The following PRSS41 variants were observed in gnomAD, a reference collection of about 807,000 sequenced individuals.
PRSS41 encodes the protein protease, serine 41.
Under a neutral mutation model 28.8 loss-of-function variants are expected in PRSS41, and 37 were observed. That is an observed-to-expected ratio of 1.29 (90% confidence interval 0.99 to 1.69). The LOEUF (loss-of-function observed/expected upper bound fraction) is 1.69, where lower values mean the gene tolerates loss of function less well. Among genes scored for constraint, PRSS41 ranks in the 40% most tolerant of loss-of-function variants. PRSS41 has a pLI of 0.00. For missense variants in PRSS41, 431 were observed against 400.7 expected, an observed-to-expected ratio of 1.08 and a Z score of -0.65; for synonymous variants, 195 against 163.1, an observed-to-expected ratio of 1.20 and a Z score of -1.49.
intron 4 of PRSS41, among the ~76,000 whole-genome samples, chr16:2,803,891 C>T (rs1049262385): frequency 6.6e-4 from 101 of 152,278 alleles, no homozygotes; most frequent in African/African-American, 2.4e-3. Context: ...GTTCATAAGA[C>T]TCTCCCTTTA....
chr16:2,804,284 C>G (rs765455497), intron 4 of PRSS41, 105 bp from the exon 5 acceptor site: 42 of 1,246,024 alleles, frequency 3.4e-5, no homozygotes, highest in Non-Finnish European at 4.6e-5. Context: ...GTGGGTGTGT[C>G]AGGGACCTTC....
intron 4 of PRSS41, among the ~76,000 whole-genome samples, chr16:2,802,147 G>A (rs2068992162): frequency 6.7e-6 from 1 of 149,980 alleles, no homozygotes; most frequent in African/African-American, 2.5e-5. Context: ...CAGGCAGAGG[G>A]TCTCCTCACT....
intron 2 of PRSS41, 48 bp downstream of exon 2, chr16:2,798,710 G>C: frequency 7.1e-7 from 1 of 1,405,016 alleles, no homozygotes; most frequent in East Asian, 2.8e-5. Context: ...CTGGGCCGGG[G>C]TGCACGGGGG....
exon 4 of PRSS41, chr16:2,799,347 T>G: frequency 6.4e-7 from 1 of 1,551,776 alleles, no homozygotes; most frequent in South Asian, 1.2e-5. Context: ...GCCAACTCCT[T>G]GGAACCTGCG....
At chr16:2,804,653 A>C (rs1195495945) in intron 5 of PRSS41, 107 bp downstream of exon 5, 14 of 1,168,588 alleles carry the variant, frequency 1.2e-5, no homozygotes, top group Middle Eastern at 2.8e-4. Flanking sequence ...TAGATTTCTT[A>C]GGAGAAAACC....
At chr16:2,802,447 A>G (rs1330735088) in intron 4 of PRSS41, among the ~76,000 whole-genome samples, 3 of 148,816 alleles carry the variant, frequency 2.0e-5, no homozygotes, top group East Asian at 4.1e-4. Context: ...ATGGGCGGCC[A>G]GGCAGAGACA....
chr16:2,798,576 C>CG (rs1596308790), intron 1 of PRSS41, 28 bp downstream of exon 1: 1 of 1,526,224 alleles, frequency 6.6e-7, no homozygotes, highest in South Asian at 1.2e-5. Context: ...CAGGCGGGAC[C>CG]GGGGGCAGCG....
rs1411775491 is a variant in PRSS41 at position 2,798,939 on chromosome 16, C to T, written c.92-20C>T. 6.5e-7 allele frequency: 1 copy of T among 1,528,310 alleles called. No individual in the cohort carries two copies. The highest frequency in any genetic ancestry group is 2.0e-5 in the Admixed American group (1 of 50,086). 94.7% of individuals were successfully genotyped at this position (1,528,310 alleles called of 1,614,324 possible). A position where few individuals can be genotyped will look rare whatever the true frequency, so the allele number is the denominator to read the frequency against. Reference sequence around the variant, plus strand: ...CCCACCCCACCCGGCAGCTCAGCCGCGTCCGTCTGTCCATCCCAGAGGCCT... The same window carrying T: ...CCCACCCCACCCGGCAGCTCAGCCGTGTCCGTCTGTCCATCCCAGAGGCCT... On this transcript the variant is annotated intron_variant, in intron 2 of 5. Transcript: ENST00000399677.
intron 1 of PRSS41, 24 bp from the exon 2 acceptor site, chr16:2,798,610 CGA>C: frequency 6.6e-7 from 1 of 1,522,788 alleles, no homozygotes; most frequent in African/African-American, 1.4e-5. Flanking sequence ...GTGGAGGCCG[CGA>C]GGGTCACTTC....
chr16:2,802,088 G>A (rs1454486916), intron 4 of PRSS41, among the ~76,000 whole-genome samples: 1 of 148,582 alleles, frequency 6.7e-6, no homozygotes, highest in African/African-American at 2.5e-5. Context: ...TCCCAGATGG[G>A]GTGGCTGCCG....
intron 3 of PRSS41, 41 bp downstream of exon 3, chr16:2,799,165 G>A (rs754619716): frequency 1.8e-5 from 27 of 1,503,950 alleles, no homozygotes; most frequent in Non-Finnish European, 2.3e-5. Context: ...CTTGCTAATG[G>A]CCTCCAGGAT....
rs1428760075 is a variant in PRSS41, at chr16:2,802,248, G to A, written c.542-2141G>A. ...GCGCTCCTCACATCCCAGATGGGGC[G>A]GCGGGGCAGAGGCGCTCCCCACATC... On this transcript the variant is annotated intron_variant, in intron 4 of 5. Transcript: ENST00000399677. 6.2e-3 allele frequency among the ~76,000 whole-genome samples: 928 copies of A among 150,568 alleles called. 17 individuals carry two copies. The highest frequency in any genetic ancestry group is 0.043 in the Admixed American group (642 of 14,912).
In PRSS41 at chr16:2,799,751, G is replaced by A. The variant is rs76142596; in HGVS notation, c.541+182G>A. 8.0e-3 allele frequency among the ~76,000 whole-genome samples: 1,217 copies of A among 152,364 alleles called. 34 individuals carry two copies. Among genetic ancestry groups the A allele is most frequent in the Admixed American group, 0.054 (827 of 15,314 alleles). On this transcript the variant is annotated intron_variant, in intron 4 of 5. Coordinates refer to ENST00000399677, the Ensembl canonical transcript of PRSS41. ...GCTCTCACTGCCACCTGTCAGGGCA[G>A]GGACCAAACACCCAGTTCTTCCCCC...
At chr16:2,801,952 G>A (rs1286104057) in intron 4 of PRSS41, among the ~76,000 whole-genome samples, 9 of 149,568 alleles carry the variant, frequency 6.0e-5, no homozygotes, top group Non-Finnish European at 1.2e-4. Context: ...CGGACGGGGC[G>A]GCTGGCCGGG....
At chr16:2,798,910 C>T in intron 2 of PRSS41, 49 bp from the exon 3 acceptor site, 2 of 1,090,308 alleles carry the variant, frequency 1.8e-6, no homozygotes, top group Non-Finnish European at 2.6e-6. Context: ...GCGGGCCTGC[C>T]CACCCCACCC....
chr16:2,802,517 A>G (rs1054775873), intron 4 of PRSS41, among the ~76,000 whole-genome samples: 13 of 152,260 alleles, frequency 8.5e-5, no homozygotes, highest in East Asian at 1.9e-4. Context: ...GCACTTTGGG[A>G]GGCCAAGGCA....
intron 4 of PRSS41, among the ~76,000 whole-genome samples, chr16:2,804,025 T>C (rs1327168554): frequency 6.6e-6 from 1 of 152,232 alleles, no homozygotes; most frequent in African/African-American, 2.4e-5. Context: ...AGTTTTGACC[T>C]GGATCCCACA....
intron 5 of PRSS41, 90 bp downstream of exon 5, chr16:2,804,636 C>G (rs2069009200): frequency 7.8e-7 from 1 of 1,283,390 alleles, no homozygotes; most frequent in Admixed American, 2.2e-5. Context: ...ACTCCCAACC[C>G]ATTGCTTAGA....
exon 4 of PRSS41, chr16:2,799,556 C>G: frequency 6.4e-7 from 1 of 1,551,528 alleles, no homozygotes; most frequent in Non-Finnish European, 8.7e-7. Flanking sequence ...GGGGGTTAAT[C>G]AGCCCCAGTG....
Sources: gnomAD v4.1 joint callset for allele counts (sites outside exome capture counted in the v4.1 genomes callset) on GRCh38, gnomAD v4.1.1 for gene constraint, MANE v1.5 for transcripts, NCBI Gene and HGNC (gene_info 2026-07-23, HGNC 2026-07-21) for gene names.